UBXN1: variants seen among roughly 807,000 people sequenced by gnomAD.
The protein encoded by UBXN1 is UBX domain-containing protein 1.
Under a neutral mutation model 42.0 loss-of-function variants are expected in UBXN1, and 21 were observed. That is an observed-to-expected ratio of 0.50 (90% CI 0.35 to 0.72). UBXN1 has a LOEUF of 0.72. Ranked by LOEUF, UBXN1 falls within the 30% of genes least tolerant of loss-of-function variation. UBXN1 has a pLI of 0.00. For missense variants in UBXN1, 374 were observed against 382.2 expected, an observed-to-expected ratio of 0.98 and a Z score of 0.18; for synonymous variants, 172 against 142.6, an observed-to-expected ratio of 1.21 and a Z score of -1.47.
At chr11:62,677,202 T>C (rs181937946) in intron 7 of UBXN1, 197 bp from the exon 8 acceptor site, 85 of 643,322 alleles carry the variant, frequency 1.3e-4, no homozygotes, top group Admixed American at 3.6e-4. Context: ...CCTCACAACC[T>C]AAGAAAGACA....
rs1945059127 is a variant in UBXN1 at position 62,678,034 on chromosome 11, C to T, written c.375G>A (p.Arg125=). ...CTGCTGACAACTCTTGCCCTTGTCT[C>T]CTGCGCTGCCGTTCCCGTTCCAATG... is the stretch of plus-strand genomic sequence containing the variant. ...REALERERQR[R]RQGQELSAAR... The change falls in exon 5 of 9, where the codon AGG becomes AGA. Residue 125 remains arginine, a synonymous_variant. Transcript: ENST00000301935. 2.5e-6 allele frequency: 4 copies of T among 1,614,050 alleles called. No individual in the cohort carries two copies. The highest frequency in any genetic ancestry group is 3.4e-6 in the Non-Finnish European group (4 of 1,180,046).
intron 6 of UBXN1, 25 bp from the exon 7 acceptor site, chr11:62,677,659 A>G (rs1438224173): frequency 6.2e-7 from 1 of 1,612,168 alleles, no homozygotes; most frequent in Non-Finnish European, 8.5e-7. Context: ...AAAACAGTCA[A>G]TCAGGTACTC....
At chr11:62,678,162 G>A in intron 4 of UBXN1, 44 bp from the exon 5 acceptor site, 1 of 1,609,230 alleles carries the variant, frequency 6.2e-7, no homozygotes, top group Non-Finnish European at 8.5e-7. Flanking sequence ...TGGACAGAGT[G>A]GGAAGGTGTA....
rs754048598 is a variant in UBXN1, at chr11:62,677,871, C to T, written c.483-39G>A. 3.7e-5 allele frequency: 60 copies of T among 1,614,090 alleles called. No individual in the cohort carries two copies. In the South Asian group the frequency reaches 4.8e-4, roughly 13 times the overall value. ...AAGAAGAAATTAGGTCAGACATCAA[C>T]AAAGCAAATCTTGATTTCTTTCTCA... On this transcript the variant is annotated intron_variant, in intron 5 of 8. Transcript: ENST00000301935.
intron 1 of UBXN1, 32 bp downstream of exon 1, chr11:62,678,833 A>G (rs1210634984): frequency 6.2e-7 from 1 of 1,608,496 alleles, no homozygotes; most frequent in East Asian, 2.2e-5. Context: ...GACCCCCCAC[A>G]CCCGCAGGCC....
At position 62,677,795 on chromosome 11, in the gene UBXN1, C is replaced by G; in HGVS notation, c.520G>C (p.Glu174Gln). 6.2e-7 allele frequency: 1 copy of G among 1,614,244 alleles called. No homozygotes were observed. The highest frequency in any genetic ancestry group is 8.5e-7 in the Non-Finnish European group (1 of 1,180,046). Residue 174 changes from glutamate (E) to glutamine (Q), a missense_variant, in exon 6 of 9, where the codon GAG (glutamate) becomes CAG (glutamine). Glu to Gln is a conservative substitution (Grantham distance 29). Transcript: ENST00000301935. ...VREKIERDKA[E>Q]RAKKYGGSVG... Reference sequence around the variant, plus strand: ...CAGTCACCTACCTTCTTGGCTCTCTCTGCTTTGTCCCTCTCGATCTTTTCT... The same window carrying G: ...CAGTCACCTACCTTCTTGGCTCTCTGTGCTTTGTCCCTCTCGATCTTTTCT...
Position 62,677,296 on chromosome 11 carries a change from T to C in UBXN1, c.651+222A>G, listed in dbSNP as rs1234797187. 21 of 619,120 alleles carry C rather than the reference T, an allele frequency of 3.4e-5. No homozygotes were observed. In the East Asian group the frequency reaches 5.5e-4, roughly 16 times the overall value. 38.4% of individuals were successfully genotyped at this position (619,120 alleles called of 1,614,324 possible). On this transcript the variant is annotated intron_variant, in intron 7 of 8. Transcript: ENST00000301935. ...TAAACCAAATAAAAACATGAACAAGTAAAAGGGTAACTGCTGAGTAAGAGA... is the reference window on the plus strand; with the variant it reads ...TAAACCAAATAAAAACATGAACAAGCAAAAGGGTAACTGCTGAGTAAGAGA...
At position 62,678,725 on chromosome 11, in the gene UBXN1, G is replaced by A; in HGVS notation, c.78C>T (p.Leu26=). ...PRGRAEKALA[L]TGNQGIEAAM... ...CAGCCTCGATGCCCTGGTTCCCTGT[G>A]AGGGCCAGAGCCTTCTCCCTGGGGG... is the stretch of plus-strand genomic sequence containing the variant. The change falls in exon 2 of 9, where the codon CTC becomes CTT. Residue 26 remains leucine (L), a synonymous_variant. Coordinates refer to ENST00000301935, the MANE Select transcript of UBXN1 (RefSeq NM_001286077.2). 6.2e-7 allele frequency: 1 copy of A among 1,613,066 alleles called. No individual in the cohort carries two copies. Among genetic ancestry groups the A allele is most frequent in the Non-Finnish European group, 8.5e-7 (1 of 1,179,954 alleles).
intron 6 of UBXN1, 62 bp downstream of exon 6, chr11:62,677,719 A>C: frequency 4.3e-6 from 7 of 1,613,644 alleles, no homozygotes; most frequent in Non-Finnish European, 5.9e-6. Flanking sequence ...TTCCCTCTGA[A>C]GCTGGAAAAG....
In UBXN1 at chr11:62,677,975, C is replaced by T; in HGVS notation, c.434G>A (p.Arg145Gln). 1.2e-6 allele frequency: 2 copies of T among 1,614,104 alleles called. No individual in the cohort carries two copies. Among genetic ancestry groups the T allele is most frequent in the South Asian group, 1.1e-5 (1 of 91,084 alleles). The part of the protein sequence containing the change: ...RQRLQEDEMR[R>Q]AAEERRREKA... ...TTCCCTCCGCCTCTCCTCAGCAGCC[C>T]GGCGCATCTCATCTTCCTGTAGCCG... is the stretch of plus-strand genomic sequence containing the variant. The change falls in exon 5 of 9, where the codon CGG (arginine) becomes CAG (glutamine). Residue 145 changes from arginine (R) to glutamine (Q), a missense_variant. By Grantham distance (43) the Arg-to-Gln change is conservative. Transcript: ENST00000301935.
In UBXN1 at chr11:62,678,747, G is replaced by T; in HGVS notation, c.60-4C>A. 1.2e-6 allele frequency: 2 copies of T among 1,613,330 alleles called. No individual in the cohort carries two copies. Among genetic ancestry groups the T allele is most frequent in the East Asian group, 2.2e-5 (1 of 44,874 alleles). On this transcript the variant is annotated splice_polypyrimidine_tract_variant and splice_region_variant and intron_variant, in intron 1 of 8. Coordinates refer to ENST00000301935, the MANE Select transcript of UBXN1 (RefSeq NM_001286077.2). Reference sequence around the variant, plus strand: ...TGTGAGGGCCAGAGCCTTCTCCCTGGGGGCAGAAACACCATGAATAGCGCC... The same window carrying T: ...TGTGAGGGCCAGAGCCTTCTCCCTGTGGGCAGAAACACCATGAATAGCGCC...
chr11:62,678,673 C>A lies in UBXN1; in HGVS notation c.113+17G>T, dbSNP rs762014718. Reference sequence around the variant, plus strand: ...CCGCCAGCCCCCAATTCTCCGCCACCCGGGACGAGCGCTTACCAGTCCATC... The same window carrying A: ...CCGCCAGCCCCCAATTCTCCGCCACACGGGACGAGCGCTTACCAGTCCATC... On this transcript the variant is annotated intron_variant, in intron 2 of 8. Transcript: ENST00000301935. 2.5e-6 allele frequency: 4 copies of A among 1,611,216 alleles called. No homozygotes were observed. In the African/African-American group the frequency reaches 5.3e-5, roughly 22 times the overall value.
chr11:62,678,189 A>G (rs1268094052), intron 4 of UBXN1, 71 bp from the exon 5 acceptor site: 2 of 1,603,070 alleles, frequency 1.2e-6, no homozygotes, highest in African/African-American at 1.3e-5. Context: ...ACAATAAACA[A>G]AATTAGGCGA....
At chr11:62,677,690 GATCAT>G (rs1171705525) in intron 6 of UBXN1, 56 bp from the exon 7 acceptor site, 1 of 1,612,554 alleles carries the variant, frequency 6.2e-7, no homozygotes, top group East Asian at 2.2e-5. Context: ...AGGTGAAACA[GATCAT>G]ATAAGCCCAT....
chr11:62,676,527 AAGG>A lies in UBXN1; in HGVS notation c.*60_*62del. 2 of 1,524,966 alleles carry A rather than the reference AAGG, an allele frequency of 1.3e-6. No homozygotes were observed. The highest frequency in any genetic ancestry group is 1.2e-5 in the South Asian group (1 of 84,374). 94.5% of individuals were successfully genotyped at this position (1,524,966 alleles called of 1,614,324 possible). A position where few individuals can be genotyped will look rare whatever the true frequency, so the allele number is the denominator to read the frequency against. On this transcript the variant is annotated 3_prime_UTR_variant, in exon 9 of 9. Coordinates refer to ENST00000301935, the MANE Select transcript of UBXN1 (RefSeq NM_001286077.2). Reference sequence around the variant, plus strand: ...CAGAACTCAGGGTCTATTTATTAGGAAGGAGATGTCAGTGCTTTATCAAAGATG... The same window carrying A: ...CAGAACTCAGGGTCTATTTATTAGGAAGATGTCAGTGCTTTATCAAAGATG...
chr11:62,676,741 T>C (rs376090366), intron 8 of UBXN1, 72 bp downstream of exon 8: 12 of 1,614,006 alleles, frequency 7.4e-6, no homozygotes, highest in African/African-American at 1.3e-5. Flanking sequence ...TCTCTTTGCA[T>C]CCCTCCTTTT....
intron 6 of UBXN1, 67 bp from the exon 7 acceptor site, chr11:62,677,701 C>T: frequency 1.9e-6 from 3 of 1,612,862 alleles, no homozygotes; most frequent in Non-Finnish European, 2.5e-6. Context: ...ATCATATAAG[C>T]CCATGCTTTC....
At position 62,678,683 on chromosome 11, in the gene UBXN1, C is replaced by T; in HGVS notation, c.113+7G>A. ...CCAATTCTCCGCCACCCGGGACGAGCGCTTACCAGTCCATCGCAGCCTCGA... is the reference window on the plus strand; with the variant it reads ...CCAATTCTCCGCCACCCGGGACGAGTGCTTACCAGTCCATCGCAGCCTCGA... On this transcript the variant is annotated splice_region_variant and intron_variant, in intron 2 of 8. Transcript: ENST00000301935. 3 of 1,611,008 alleles carry T rather than the reference C, an allele frequency of 1.9e-6. No individual in the cohort carries two copies. Among genetic ancestry groups the T allele is most frequent in the Non-Finnish European group, 2.5e-6 (3 of 1,179,428 alleles).
chr11:62,678,625 G>C (rs368461519), intron 2 of UBXN1, 24 bp from the exon 3 acceptor site: 58 of 1,613,064 alleles, frequency 3.6e-5, no homozygotes, highest in Non-Finnish European at 4.4e-5. Flanking sequence ...TGGGCGGGGA[G>C]GTTAGCTTTG....
Sources: allele counts gnomAD v4.1 joint callset, GRCh38; gene constraint gnomAD v4.1.1; transcripts MANE v1.5; gene names NCBI Gene and HGNC (gene_info 2026-07-23, HGNC 2026-07-21).